Variants in OTUD4 observed in about 807,000 individuals in gnomAD.
OTUD4 encodes OTU domain-containing protein 4.
In OTUD4, 24 loss-of-function variants were observed where a neutral mutation model predicts 130.4. That is an observed-to-expected ratio of 0.18 (90% confidence interval 0.13 to 0.26). The LOEUF (loss-of-function observed/expected upper bound fraction) is 0.26, where lower values mean the gene tolerates loss of function less well. OTUD4 is among the 10% of genes least tolerant of loss of function. OTUD4 has a pLI of 1.00. For missense variants in OTUD4, 1,031 were observed against 1,329.4 expected (o/e 0.78, Z 3.49); for synonymous variants, 420 against 472.5 (o/e 0.89, Z 1.44).
In OTUD4 at chr4:145,138,011, A is replaced by C; in HGVS notation, c.2764T>G (p.Ser922Ala). Residue 922 changes from serine to alanine, a missense_variant, in exon 21 of 21, where the codon TCT (serine) becomes GCT (alanine). Ser to Ala is a moderately conservative substitution (Grantham distance 99). Transcript: ENST00000447906. The part of the protein sequence containing the change: ...FPEARGEHVH[S>A]LPEASVSSKP... The stretch of plus-strand genomic sequence containing the variant: ...CTGCTCACACTTGCTTCAGGGAGAG[A>C]ATGTACATGTTCACCCCTGGCTTCT... The C allele has an allele frequency of 6.2e-7, 1 of 1,614,030 alleles. No individual in the cohort carries two copies. The highest frequency in any genetic ancestry group is 8.5e-7 in the Non-Finnish European group (1 of 1,179,932).
In OTUD4 at chr4:145,133,783, A is replaced by G. The variant is rs1750112826; in HGVS notation, c.*3647T>C. On this transcript the variant is annotated 3_prime_UTR_variant, in exon 21 of 21. Coordinates refer to ENST00000447906, the MANE Select transcript of OTUD4 (RefSeq NM_001366057.1). ...CTTAAGGCTACAAAACAGAACATAG[A>G]AAAATAAACAGGAATATATTCAACA... 1 of 152,638 alleles carries G rather than the reference A, an allele frequency of 6.6e-6. No homozygotes were observed. The allele number at this position is 152,638 out of a possible 1,614,324, so 9.5% of individuals were successfully genotyped here. A position where few individuals can be genotyped will look rare whatever the true frequency, so the allele number is the denominator to read the frequency against.
intron 1 of OTUD4, among the ~76,000 whole-genome samples, chr4:145,176,161 G>A (rs955292828): frequency 6.7e-4 from 101 of 151,542 alleles, no homozygotes; most frequent in African/African-American, 2.4e-3. Flanking sequence ...CTCTCAAAGT[G>A]CTGGGATTAC....
chr4:145,164,238 A>G lies in OTUD4; in HGVS notation c.342-12T>C. ...TTATAAAATCTTTCCTGAAAATAAC[A>G]ATTAGAAATTATTTATAATGGACTA... is the stretch of plus-strand genomic sequence containing the variant. On this transcript the variant is annotated splice_polypyrimidine_tract_variant and intron_variant, in intron 4 of 20. Transcript: ENST00000447906. 1 of 1,155,094 alleles carries G rather than the reference A, an allele frequency of 8.7e-7. No individual in the cohort carries two copies. Among genetic ancestry groups the G allele is most frequent in the South Asian group, 1.4e-5 (1 of 72,046 alleles). The allele number at this position is 1,155,094 out of a possible 1,614,324, so 71.6% of individuals were successfully genotyped here. A position where few individuals can be genotyped will look rare whatever the true frequency, so the allele number is the denominator to read the frequency against.
intron 18 of OTUD4, 25 bp downstream of exon 18, chr4:145,142,171 T>G (rs759964346): frequency 1.9e-6 from 3 of 1,603,504 alleles, no homozygotes; most frequent in Admixed American, 1.7e-5. Context: ...TTTGGCTGGC[T>G]AGATTTTCTA....
intron 3 of OTUD4, among the ~76,000 whole-genome samples, chr4:145,168,889 A>G (rs1579285164): frequency 6.6e-6 from 1 of 152,264 alleles, no homozygotes; most frequent in Non-Finnish European, 1.5e-5. Context: ...CCAGAACTGT[A>G]AAGAACTTAA....
Position 145,138,689 on chromosome 4 carries a change from G to A in OTUD4, c.2125-39C>T, listed in dbSNP as rs1560975864. 1.2e-5 allele frequency: 18 copies of A among 1,546,964 alleles called. No homozygotes were observed. The Admixed American group carries it at 2.1e-4, about 18-fold the overall frequency. ...AAACAGTTAAATAAACAAAAGAGGAGAAAAAAGAGAGGTTTGGGTGGATAT... is the reference window on the plus strand; with the variant it reads ...AAACAGTTAAATAAACAAAAGAGGAAAAAAAAGAGAGGTTTGGGTGGATAT... On this transcript the variant is annotated intron_variant, in intron 20 of 20. Transcript: ENST00000447906.
intron 6 of OTUD4, 146 bp from the exon 7 acceptor site, chr4:145,159,781 A>G (rs1751467739): frequency 2.7e-6 from 2 of 728,980 alleles, no homozygotes; most frequent in South Asian, 2.1e-5. Flanking sequence ...TCAATAACAT[A>G]ATTTTATCAG....
intron 20 of OTUD4, among the ~76,000 whole-genome samples, chr4:145,139,529 A>G (rs998757851): frequency 2.6e-5 from 4 of 152,228 alleles, no homozygotes; most frequent in Non-Finnish European, 5.9e-5. Flanking sequence ...GATCTTTTCA[A>G]TAATGGAGGC....
intron 7 of OTUD4, 22 bp from the exon 8 acceptor site, chr4:145,156,018 A>T: frequency 6.3e-7 from 1 of 1,595,744 alleles, no homozygotes; most frequent in Non-Finnish European, 8.5e-7. Flanking sequence ...GATAACCATA[A>T]TTGGGGCAGA....
chr4:145,141,992 A>G (rs980913921), intron 18 of OTUD4, among the ~76,000 whole-genome samples: 2 of 152,194 alleles, frequency 1.3e-5, no homozygotes, highest in Non-Finnish European at 2.9e-5. Context: ...TCCTGAGACT[A>G]TGAGGGCATA....
At chr4:145,144,171 C>T (rs1750714039) in intron 15 of OTUD4, 140 bp downstream of exon 15, 2 of 1,076,630 alleles carry the variant, frequency 1.9e-6, no homozygotes, top group Admixed American at 2.2e-5. Flanking sequence ...TGAGTCAATA[C>T]TTCTCTGCAA....
At chr4:145,165,977 C>T (rs1751851719) in intron 3 of OTUD4, among the ~76,000 whole-genome samples, 1 of 151,850 alleles carries the variant, frequency 6.6e-6, no homozygotes, top group Non-Finnish European at 1.5e-5. Context: ...GTCTGACCAA[C>T]ATGGAGAAAC....
At chr4:145,168,931 T>G (rs764222522) in intron 3 of OTUD4, among the ~76,000 whole-genome samples, 12 of 152,218 alleles carry the variant, frequency 7.9e-5, no homozygotes, top group Non-Finnish European at 1.6e-4. Context: ...TATACACAGG[T>G]TGTGATAGAT....
At chr4:145,152,490 T>TA in intron 11 of OTUD4, 51 bp downstream of exon 11, 3 of 966,870 alleles carry the variant, frequency 3.1e-6, no homozygotes, top group Non-Finnish European at 3.3e-6. Context: ...TGCTCATGAT[T>TA]AGGCTAAATG....
At chr4:145,176,970 AC>A (rs1196168879) in intron 1 of OTUD4, among the ~76,000 whole-genome samples, 1 of 152,226 alleles carries the variant, frequency 6.6e-6, no homozygotes, top group African/African-American at 2.4e-5. Flanking sequence ...TTCTACCTTC[AC>A]TGCTGTTCTT....
intron 2 of OTUD4, among the ~76,000 whole-genome samples, chr4:145,174,120 C>T (rs1752309652): frequency 6.6e-6 from 1 of 151,710 alleles, no homozygotes; most frequent in Admixed American, 6.6e-5. Flanking sequence ...AATCCTCGTG[C>T]CTCAGACTCA....
chr4:145,162,538 C>A, intron 6 of OTUD4, 102 bp downstream of exon 6: 11 of 576,946 alleles, frequency 1.9e-5, no homozygotes, highest in South Asian at 2.4e-5. Flanking sequence ...GGAGACAGAG[C>A]GAGACTCCGT....
At chr4:145,169,288 A>C (rs1752035540) in intron 3 of OTUD4, among the ~76,000 whole-genome samples, 1 of 152,208 alleles carries the variant, frequency 6.6e-6, no homozygotes, top group Non-Finnish European at 1.5e-5. Flanking sequence ...ACTGTATGTC[A>C]ATTTTACCTC....
At chr4:145,171,828 C>A in intron 2 of OTUD4, 108 bp from the exon 3 acceptor site, 1 of 685,576 alleles carries the variant, frequency 1.5e-6, no homozygotes, top group Non-Finnish European at 2.6e-6. Context: ...GTACATAAAC[C>A]TAAAATACCT....
Sources: allele counts gnomAD v4.1 joint callset (sites outside exome capture counted in the v4.1 genomes callset), GRCh38; gene constraint gnomAD v4.1.1; transcripts MANE v1.5; gene names NCBI Gene and HGNC (gene_info 2026-07-23, HGNC 2026-07-21).